The following EYA2 variants were observed in gnomAD, a reference collection of about 807,000 sequenced individuals.
EYA2 encodes EYA transcriptional coactivator and phosphatase 2, also known as protein phosphatase EYA2.
Under a neutral mutation model 69.2 loss-of-function variants are expected in EYA2, and 31 were observed. The ratio of observed to expected loss-of-function variants is 0.45; its 90% CI spans 0.34 to 0.60. The LOEUF is 0.60. Among genes scored for constraint, EYA2 ranks in the 20% least tolerant of loss-of-function variants. The pLI, the probability that EYA2 is intolerant of heterozygous loss-of-function variation, is 0.02. For synonymous variants in EYA2, 257 were observed against 279.4 expected (o/e 0.92, Z 0.80); for missense variants, 622 against 701.2 (o/e 0.89, Z 1.28).
chr20:47,065,458 A>G (rs535543224), intron 5 of EYA2, among the ~76,000 whole-genome samples: 12 of 152,352 alleles, frequency 7.9e-5, no homozygotes, highest in African/African-American at 2.9e-4. Flanking sequence ...TATACAGTCT[A>G]ACTATAATAG....
intron 2 of EYA2, among the ~76,000 whole-genome samples, chr20:46,994,615 A>G (rs1193722157): frequency 6.6e-6 from 1 of 152,056 alleles, no homozygotes; most frequent in Non-Finnish European, 1.5e-5. Flanking sequence ...ATTTCATCCA[A>G]ACCAGGCTGA....
rs187851592 is a variant in EYA2 at position 47,121,371 on chromosome 20, G to A, written c.889-21688G>A. 7.1e-4 allele frequency among the ~76,000 whole-genome samples: 108 copies of A among 152,262 alleles called. 2 individuals are homozygous for A. The East Asian group carries it at 0.015, about 22-fold the overall frequency. On this transcript the variant is annotated intron_variant, in intron 9 of 15. Coordinates refer to ENST00000327619, the MANE Select transcript of EYA2 (RefSeq NM_005244.5). ...GCCTCCCAAAGTGCTGGAATTACACGCATGAGCCACCGTGCCCCGCCAGAA... is the reference window on the plus strand; with the variant it reads ...GCCTCCCAAAGTGCTGGAATTACACACATGAGCCACCGTGCCCCGCCAGAA...
chr20:46,994,401 T>G (rs1981881850), intron 2 of EYA2, among the ~76,000 whole-genome samples: 1 of 152,222 alleles, frequency 6.6e-6, no homozygotes, highest in African/African-American at 2.4e-5. Context: ...AGGAAAATTT[T>G]TCTTTTAAAA....
At chr20:46,978,579 C>G in intron 1 of EYA2, 6 of 534,806 alleles carry the variant, frequency 1.1e-5, no homozygotes, top group Non-Finnish European at 1.9e-5. Flanking sequence ...GTGTTCGGAA[C>G]TCTTTGCTTT....
intron 11 of EYA2, among the ~76,000 whole-genome samples, chr20:47,170,854 A>G (rs557623637): frequency 1.3e-5 from 2 of 152,232 alleles, no homozygotes; most frequent in Non-Finnish European, 2.9e-5. Flanking sequence ...AACTTTATTT[A>G]GTAGCTGCTT....
At chr20:47,163,698 C>CAAAAAAAAAAA (rs11471495) in intron 10 of EYA2, among the ~76,000 whole-genome samples, 1 of 85,536 alleles carries the variant, frequency 1.2e-5, no homozygotes. Flanking sequence ...AACACTGTCT[C>CAAAAAAAAAAA]AAAAAAAAAA....
chr20:47,081,337 A>G (rs547351921), intron 7 of EYA2, among the ~76,000 whole-genome samples: 1 of 152,316 alleles, frequency 6.6e-6, no homozygotes, highest in African/African-American at 2.4e-5. Context: ...GTAAAAAAAA[A>G]ATAAAAAATA....
At chr20:46,941,575 C>G (rs1427419331) in intron 1 of EYA2, among the ~76,000 whole-genome samples, 1 of 152,178 alleles carries the variant, frequency 6.6e-6, no homozygotes, top group Non-Finnish European at 1.5e-5. Context: ...GTTAAAGGCT[C>G]TGACATTTAC....
chr20:46,985,610 G>C (rs1981130596), intron 1 of EYA2, among the ~76,000 whole-genome samples: 1 of 152,108 alleles, frequency 6.6e-6, no homozygotes, highest in South Asian at 2.1e-4. Flanking sequence ...ATGCCTATAG[G>C]GACCAGGAGG....
chr20:47,044,520 G>C (rs545657568), intron 5 of EYA2, among the ~76,000 whole-genome samples: 1 of 152,140 alleles, frequency 6.6e-6, no homozygotes, highest in Non-Finnish European at 1.5e-5. Context: ...AGTCTTTCGG[G>C]GGGGTGGGGG....
chr20:47,167,205 C>T, intron 10 of EYA2: 1 of 154,008 alleles, frequency 6.5e-6, no homozygotes, highest in Middle Eastern at 6.0e-4. Context: ...CCCCCAGTTA[C>T]TGGCTTCGAA....
chr20:47,117,667 C>T (rs2032939720), intron 9 of EYA2: 1 of 985,240 alleles, frequency 1.0e-6, no homozygotes. Flanking sequence ...AAAAAGAAAA[C>T]CCGGTTTTAT....
chr20:47,175,288 G>T (rs12625267), intron 12 of EYA2, among the ~76,000 whole-genome samples: 5 of 152,084 alleles, frequency 3.3e-5, no homozygotes, highest in Non-Finnish European at 5.9e-5. Context: ...CGGAAGAAAG[G>T]CATCTGCAAA....
intron 10 of EYA2, among the ~76,000 whole-genome samples, chr20:47,144,220 G>A (rs151205649): frequency 0.013 from 1,915 of 152,256 alleles, 17 homozygotes; most frequent in Non-Finnish European, 0.022. Context: ...GCCGGGCATG[G>A]TGGCGGGCAC....
rs534848167 is a variant in EYA2 at position 47,012,926 on chromosome 20, G to A, written c.299-3255G>A. 7.2e-5 allele frequency among the ~76,000 whole-genome samples: 11 copies of A among 152,362 alleles called. No individual in the cohort carries two copies. In the East Asian group the frequency reaches 2.1e-3, roughly 29 times the overall value. On this transcript the variant is annotated intron_variant, in intron 4 of 15. Transcript: ENST00000327619. ...TGTCTGACTTTCTCATTCTGAACTT[G>A]TAACTGATGCATGGACCACAGTCTG...
At chr20:46,907,184 T>C (rs1189031752) in intron 1 of EYA2, among the ~76,000 whole-genome samples, 1 of 152,200 alleles carries the variant, frequency 6.6e-6, no homozygotes, top group Non-Finnish European at 1.5e-5. Context: ...CTAGAAATCA[T>C]ATCTTCCTAC....
intron 1 of EYA2, among the ~76,000 whole-genome samples, chr20:46,895,555 G>T (rs1013372428): frequency 2.0e-5 from 3 of 152,220 alleles, no homozygotes; most frequent in African/African-American, 7.2e-5. Flanking sequence ...CTGGGGCTTT[G>T]AACCGGGGCA....
chr20:47,161,681 C>G, intron 10 of EYA2: 1 of 199,958 alleles, frequency 5.0e-6, no homozygotes, highest in Non-Finnish European at 1.0e-5. Context: ...TCCCAGGGTC[C>G]CCAGGGCCTC....
chr20:47,111,274 C>T (rs905836886), intron 9 of EYA2, among the ~76,000 whole-genome samples: 1 of 152,156 alleles, frequency 6.6e-6, no homozygotes, highest in Admixed American at 6.6e-5. Context: ...GAGAAGTGAT[C>T]ATAGTTTACT....
Sources: allele counts gnomAD v4.1 joint callset (sites outside exome capture counted in the v4.1 genomes callset), GRCh38; gene constraint gnomAD v4.1.1; transcripts MANE v1.5; gene names NCBI Gene and HGNC (gene_info 2026-07-23, HGNC 2026-07-21).